The following PARD3B variants were observed in gnomAD, a reference collection of about 807,000 sequenced individuals.
PARD3B encodes partitioning defective 3 homolog B.
A neutral mutation model predicts 130.2 loss-of-function variants in PARD3B; 103 were observed. The observed-to-expected ratio is 0.79, with a 90% CI of 0.67 to 0.93. PARD3B has a LOEUF of 0.93. Ranked by LOEUF, PARD3B falls within the 40% of genes least tolerant of loss-of-function variation. The pLI is 0.00. For synonymous variants in PARD3B, 583 were observed against 553.2 expected (o/e 1.05, Z -0.76); for missense variants, 1,609 against 1,499.2 (o/e 1.07, Z -1.21).
intron 2 of PARD3B, among the ~76,000 whole-genome samples, chr2:204,765,242 T>C (rs2041093049): frequency 6.6e-6 from 1 of 152,146 alleles, no homozygotes; most frequent in Non-Finnish European, 1.5e-5. Context: ...TGAGAGGTTG[T>C]TTGAAAAATA....
chr2:204,939,184 T>A (rs1295731508), intron 2 of PARD3B, among the ~76,000 whole-genome samples: 1 of 152,146 alleles, frequency 6.6e-6, no homozygotes, highest in Non-Finnish European at 1.5e-5. Context: ...TATATTACCC[T>A]CATTTTGATA....
rs553515248 is a variant in PARD3B, at chr2:205,379,476, T to G, written c.2631-21537T>G. 2.1e-3 allele frequency among the ~76,000 whole-genome samples: 302 copies of G among 145,344 alleles called. 2 individuals are homozygous for G. Among genetic ancestry groups the G allele is most frequent in the African/African-American group, 7.5e-3 (273 of 36,502 alleles). On this transcript the variant is annotated intron_variant, in intron 18 of 22. Transcript: ENST00000406610. ...AAGTCTAATATTATTATATTTGGGGTTTTTTTTAAAAAAAAAGCAAACATA... is the reference window on the plus strand; with the variant it reads ...AAGTCTAATATTATTATATTTGGGGGTTTTTTTAAAAAAAAAGCAAACATA...
intron 2 of PARD3B, among the ~76,000 whole-genome samples, chr2:204,892,508 T>C (rs1248016162): frequency 6.6e-6 from 1 of 152,224 alleles, no homozygotes; most frequent in Non-Finnish European, 1.5e-5. Context: ...TGAATTGAGA[T>C]GTGCTATATG....
chr2:205,335,525 G>A (rs1161400658), intron 18 of PARD3B, among the ~76,000 whole-genome samples: 1 of 152,140 alleles, frequency 6.6e-6, no homozygotes, highest in African/African-American at 2.4e-5. Flanking sequence ...AGAGGCAAGA[G>A]ATATATGTTT....
intron 2 of PARD3B, among the ~76,000 whole-genome samples, chr2:204,811,801 A>C (rs948915998): frequency 1.3e-5 from 2 of 152,128 alleles, no homozygotes; most frequent in African/African-American, 4.8e-5. Flanking sequence ...TCAGTCTGCT[A>C]TCATCTACAT....
Position 205,239,124 on chromosome 2 carries a change from GA to G in PARD3B, c.2141-6648del, listed in dbSNP as rs2039238048. Among the ~76,000 whole-genome samples, 4 of 151,476 alleles carry G rather than the reference GA, an allele frequency of 2.6e-5. No individual in the cohort carries two copies. The South Asian group carries it at 6.3e-4, about 24-fold the overall frequency. Reference sequence around the variant, plus strand: ...TTTTACAAATAAGTTCAGTAAGCTTGAAAAAAGACTCAGTAATTAAATCATA... The same window carrying G: ...TTTTACAAATAAGTTCAGTAAGCTTGAAAAAGACTCAGTAATTAAATCATA... On this transcript the variant is annotated intron_variant, in intron 15 of 22. Transcript: ENST00000406610.
rs112455278 is a variant in PARD3B at position 205,288,688 on chromosome 2, G to T, written c.2186-11842G>T. Among the ~76,000 whole-genome samples, 3 of 151,826 alleles carry T rather than the reference G, an allele frequency of 2.0e-5. No homozygotes were observed. Among genetic ancestry groups the T allele is most frequent in the Non-Finnish European group, 4.4e-5 (3 of 67,956 alleles). On this transcript the variant is annotated intron_variant, in intron 16 of 22. Transcript: ENST00000406610. The surrounding 1 kb of genome is among the most constrained non-coding windows in gnomAD (Gnocchi z 4.0). ...TTGTTACTAGTCACTCCATCCTCCC[G>T]GTGTCCCCACCCCCCAGGAGACGTG...
chr2:205,121,810 T>G lies in PARD3B; in HGVS notation c.1026T>G (p.Asp342Glu). Residue 342 changes from aspartate to glutamate, a missense_variant, in exon 8 of 23, where the codon GAT becomes GAG. By Grantham distance (45) the Asp-to-Glu change is conservative. Transcript: ENST00000406610. The surrounding 1 kb of genome is among the most constrained non-coding windows in gnomAD (Gnocchi z 5.0). ...CAGGAACCGATAGTCCTGAAACAGATGCATCAGCTTCCCTGCAACAAAACA... is the reference window on the plus strand; with the variant it reads ...CAGGAACCGATAGTCCTGAAACAGAGGCATCAGCTTCCCTGCAACAAAACA... ...NLTGTDSPET[D>E]ASASLQQNKS... The G allele has an allele frequency of 1.2e-6, 2 of 1,614,134 alleles. No homozygotes were observed. The highest frequency in any genetic ancestry group is 1.7e-6 in the Non-Finnish European group (2 of 1,180,026).
At chr2:205,145,062 G>T (rs2033250766) in intron 10 of PARD3B, among the ~76,000 whole-genome samples, 1 of 152,132 alleles carries the variant, frequency 6.6e-6, no homozygotes, top group Non-Finnish European at 1.5e-5. Flanking sequence ...GGAAAATGAA[G>T]ATGATTGAGA....
At chr2:204,719,408 A>C (rs1441475595) in intron 2 of PARD3B, among the ~76,000 whole-genome samples, 2 of 152,224 alleles carry the variant, frequency 1.3e-5, no homozygotes, top group Non-Finnish European at 2.9e-5. Flanking sequence ...GAATAGACAG[A>C]AAATTTAAGT....
At position 205,280,511 on chromosome 2, in the gene PARD3B, CT is replaced by C. The variant is rs751486176; in HGVS notation, c.2186-20015del. 2.0e-5 allele frequency among the ~76,000 whole-genome samples: 3 copies of C among 152,064 alleles called. No homozygotes were observed. Among genetic ancestry groups the C allele is most frequent in the Non-Finnish European group, 2.9e-5 (2 of 68,010 alleles). On this transcript the variant is annotated intron_variant, in intron 16 of 22. Transcript: ENST00000406610. The surrounding 1 kb of genome is among the most constrained non-coding windows in gnomAD (Gnocchi z 4.7). Reference sequence around the variant, plus strand: ...CTGGGAGAAAGGAACTATTGAAAACCTTTTCTGTTTCCTTCTCTTTTTTCTT... The same window carrying C: ...CTGGGAGAAAGGAACTATTGAAAACCTTTCTGTTTCCTTCTCTTTTTTCTT...
rs577917258 is a variant in PARD3B, at chr2:205,246,929, C to G, written c.2185+1107C>G. 1.8e-4 allele frequency among the ~76,000 whole-genome samples: 28 copies of G among 152,212 alleles called. 1 individual carries two copies. The highest frequency in any genetic ancestry group is 6.7e-4 in the African/African-American group (28 of 41,526). ...ATAAATTGCCACATGCTCCTTGCTCCCAACATCCTCTTCCATTAAATTCTC... is the reference window on the plus strand; with the variant it reads ...ATAAATTGCCACATGCTCCTTGCTCGCAACATCCTCTTCCATTAAATTCTC... On this transcript the variant is annotated intron_variant, in intron 16 of 22. Transcript: ENST00000406610.
chr2:204,583,586 T>C (rs1392617394), intron 1 of PARD3B, among the ~76,000 whole-genome samples: 1 of 119,372 alleles, frequency 8.4e-6, no homozygotes, highest in African/African-American at 3.3e-5. Flanking sequence ...GTAACTAACC[T>C]GCACAATGTG....
intron 18 of PARD3B, among the ~76,000 whole-genome samples, chr2:205,302,339 G>A (rs184924782): frequency 1.7e-4 from 26 of 151,254 alleles, no homozygotes; most frequent in Non-Finnish European, 3.2e-4. Flanking sequence ...CCAAAGTGCT[G>A]GGGTTTCAGG....
intron 4 of PARD3B, among the ~76,000 whole-genome samples, chr2:205,085,829 T>G (rs1701709302): frequency 6.6e-6 from 1 of 152,168 alleles, no homozygotes; most frequent in Non-Finnish European, 1.5e-5. Context: ...AGGAATGAAA[T>G]ATAACAATAT....
intron 11 of PARD3B, among the ~76,000 whole-genome samples, chr2:205,164,025 C>T (rs2034660825): frequency 6.6e-6 from 1 of 152,102 alleles, no homozygotes; most frequent in African/African-American, 2.4e-5. Context: ...AGAAGCCAAA[C>T]ACTAACATTT....
At chr2:204,871,448 A>G (rs1476157355) in intron 2 of PARD3B, among the ~76,000 whole-genome samples, 1 of 152,168 alleles carries the variant, frequency 6.6e-6, no homozygotes, top group Admixed American at 6.5e-5. Flanking sequence ...GGCAGAATTC[A>G]GAACACTTAG....
At chr2:205,211,436 A>G (rs772426821) in intron 15 of PARD3B, among the ~76,000 whole-genome samples, 8 of 152,114 alleles carry the variant, frequency 5.3e-5, no homozygotes, top group African/African-American at 1.9e-4. Flanking sequence ...GAGACATATC[A>G]GTGACAACAG....
At chr2:205,047,149 T>C (rs987688871) in intron 3 of PARD3B, among the ~76,000 whole-genome samples, 2 of 152,328 alleles carry the variant, frequency 1.3e-5, no homozygotes, top group East Asian at 3.9e-4. Flanking sequence ...ATTCAAAAGA[T>C]TTGGAAAGCA....
Sources: gnomAD v4.1 joint callset for allele counts (sites outside exome capture counted in the v4.1 genomes callset) on GRCh38, gnomAD v4.1.1 for gene constraint, Gnocchi (gnomAD v3.1) non-coding constraint, MANE v1.5 for transcripts, NCBI Gene and HGNC (gene_info 2026-07-23, HGNC 2026-07-21) for gene names.